NRXN1: variants seen among roughly 807,000 people sequenced by gnomAD.
NRXN1 encodes the protein neurexin 1.
NRXN1 carries 39 observed loss-of-function variants against 150.9 expected under a neutral mutation model. That is an observed-to-expected ratio of 0.26 (90% CI 0.20 to 0.34). The LOEUF (loss-of-function observed/expected upper bound fraction) is 0.34. Ranked by LOEUF, NRXN1 falls within the 10% of genes least tolerant of loss-of-function variation. NRXN1 has a pLI of 1.00. For synonymous variants in NRXN1, 924 were observed against 757.0 expected (o/e 1.22, Z -3.62); for missense variants, 1,815 against 1,949.9 (o/e 0.93, Z 1.30).
chr2:50,598,942 T>C (rs569987708), intron 8 of NRXN1, among the ~76,000 whole-genome samples: 1 of 151,684 alleles, frequency 6.6e-6, no homozygotes, highest in African/African-American at 2.4e-5. Flanking sequence ...TTGTTTTGTT[T>C]TGTACTTTTA....
intron 5 of NRXN1, among the ~76,000 whole-genome samples, chr2:50,639,469 T>C (rs62142329): frequency 0.28 from 42,763 of 151,650 alleles, 6,237 homozygotes; most frequent in Middle Eastern, 0.37. Context: ...GATCTGCCTG[T>C]CTCAGCCTCC....
rs556567448 is a variant in NRXN1 at position 50,276,432 on chromosome 2, G to A, written c.3365-39462C>T. On this transcript the variant is annotated intron_variant, in intron 17 of 22. Coordinates refer to ENST00000401669, the MANE Select transcript of NRXN1 (RefSeq NM_001330078.2). ...AATACCTCAAACAATTAAGTTTGTT[G>A]CTTTAAAGCAAGATTATAGTGTAGG... 1.6e-4 allele frequency among the ~76,000 whole-genome samples: 25 copies of A among 152,230 alleles called. No homozygotes were observed. In the South Asian group the frequency reaches 5.0e-3, roughly 30 times the overall value.
At chr2:50,421,777 C>A (rs138311888) in intron 17 of NRXN1, among the ~76,000 whole-genome samples, 11 of 152,200 alleles carry the variant, frequency 7.2e-5, no homozygotes, top group Non-Finnish European at 1.6e-4. Flanking sequence ...ACTAGTCATC[C>A]ATGCAAGATG....
At chr2:50,836,123 C>A (rs1240853859) in intron 5 of NRXN1, among the ~76,000 whole-genome samples, 1 of 152,032 alleles carries the variant, frequency 6.6e-6, no homozygotes, top group Non-Finnish European at 1.5e-5. Context: ...AAAAGAGGCA[C>A]GTTTCTGTCT....
chr2:50,564,971 G>A (rs1669634969), intron 8 of NRXN1, among the ~76,000 whole-genome samples: 1 of 152,110 alleles, frequency 6.6e-6, no homozygotes, highest in South Asian at 2.1e-4. Context: ...CATTTAAATT[G>A]GAGAACTGAG....
At chr2:50,924,946 C>T (rs1021545156) in intron 3 of NRXN1, among the ~76,000 whole-genome samples, 4 of 151,630 alleles carry the variant, frequency 2.6e-5, no homozygotes, top group Admixed American at 2.0e-4. Flanking sequence ...CTAAGAAATC[C>T]TTCATTCTAT....
intron 20 of NRXN1, 131 bp downstream of exon 20, chr2:50,054,824 C>A: frequency 1.7e-6 from 1 of 572,928 alleles, no homozygotes. Context: ...CTACATTTTA[C>A]TGTTTTAAAG....
At chr2:49,944,699 G>C (rs1428175668) in intron 21 of NRXN1, among the ~76,000 whole-genome samples, 4 of 152,172 alleles carry the variant, frequency 2.6e-5, no homozygotes, top group African/African-American at 4.8e-5. Flanking sequence ...GCTTCCATCA[G>C]AGTTGGCTCT....
At chr2:50,590,907 T>C (rs1327540514) in intron 8 of NRXN1, among the ~76,000 whole-genome samples, 1 of 152,172 alleles carries the variant, frequency 6.6e-6, no homozygotes, top group African/African-American at 2.4e-5. Context: ...CTAAATACTC[T>C]CAGCAATTGG....
chr2:50,942,178 A>C (rs936139607), intron 2 of NRXN1, among the ~76,000 whole-genome samples: 5 of 152,206 alleles, frequency 3.3e-5, no homozygotes, highest in African/African-American at 9.6e-5. Flanking sequence ...ATAGAAGACA[A>C]GAGTTGAGCT....
intron 18 of NRXN1, among the ~76,000 whole-genome samples, chr2:50,225,587 T>C (rs765075904): frequency 4.0e-5 from 6 of 151,876 alleles, no homozygotes; most frequent in Non-Finnish European, 5.9e-5. Context: ...ACATAAAATA[T>C]ATAATCCAGG....
intron 5 of NRXN1, among the ~76,000 whole-genome samples, chr2:50,720,196 C>CT (rs918606064): frequency 3.7e-4 from 54 of 147,236 alleles, no homozygotes; most frequent in East Asian, 1.2e-3. Flanking sequence ...TGTCTTTCAA[C>CT]TTTTTTTTTT....
intron 5 of NRXN1, among the ~76,000 whole-genome samples, chr2:50,909,117 CAG>C (rs1313992988): frequency 2.6e-5 from 4 of 152,008 alleles, no homozygotes; most frequent in East Asian, 1.9e-4. Flanking sequence ...AAATTGAAAA[CAG>C]AGCACAGCAC....
At position 50,315,929 on chromosome 2, in the gene NRXN1, G is replaced by A. The variant is rs561424336; in HGVS notation, c.3365-78959C>T. Among the ~76,000 whole-genome samples, 50 of 152,084 alleles carry A rather than the reference G, an allele frequency of 3.3e-4. 1 individual carries two copies. Among genetic ancestry groups the A allele is most frequent in the African/African-American group, 9.2e-4 (38 of 41,486 alleles). On this transcript the variant is annotated intron_variant, in intron 17 of 22. Coordinates refer to ENST00000401669, the MANE Select transcript of NRXN1 (RefSeq NM_001330078.2). ...AGAAGAATAAAGTTTAAAGAATTTC[G>A]GGAATTCAATCAGGAGGATTCAGGG...
At chr2:50,611,568 G>GT (rs1202736303) in intron 8 of NRXN1, among the ~76,000 whole-genome samples, 1 of 152,118 alleles carries the variant, frequency 6.6e-6, no homozygotes, top group Non-Finnish European at 1.5e-5. Flanking sequence ...TGCCCCAATT[G>GT]TTTATTTCCC....
intron 17 of NRXN1, among the ~76,000 whole-genome samples, chr2:50,418,004 C>T (rs958025027): frequency 2.0e-5 from 3 of 151,884 alleles, no homozygotes; most frequent in African/African-American, 7.2e-5. Context: ...AATAAAATGA[C>T]CAAATGTGCA....
chr2:50,919,776 A>G (rs58905388), intron 5 of NRXN1: 13,710 of 156,318 alleles, frequency 0.088, 672 homozygotes, highest in South Asian at 0.12. Context: ...AATTCCTCCA[A>G]CAGATGGCAC....
chr2:50,394,255 C>T (rs1006100491), intron 17 of NRXN1, among the ~76,000 whole-genome samples: 3 of 151,960 alleles, frequency 2.0e-5, no homozygotes, highest in African/African-American at 4.8e-5. Flanking sequence ...CACAACTCTC[C>T]CTGAAAATTC....
Position 50,053,316 on chromosome 2 carries a change from G to A in NRXN1, c.4083C>T (p.Ser1361=), listed in dbSNP as rs1693034681. Residue 1361 remains serine, a synonymous_variant, in exon 21 of 23, where the codon AGC becomes AGT. Coordinates refer to ENST00000401669, the MANE Select transcript of NRXN1 (RefSeq NM_001330078.2). ...IMETTTTLAT[S]TARRGKPPTK... The stretch of plus-strand genomic sequence containing the variant: ...TCGGGGGCTTTCCTCTTCTGGCTGT[G>A]CTAGTAGCCAGGGTCGTGGTAGTCT... 2 of 1,614,018 alleles carry A rather than the reference G, an allele frequency of 1.2e-6. No individual in the cohort carries two copies. The highest frequency in any genetic ancestry group is 1.7e-6 in the Non-Finnish European group (2 of 1,179,910).
Sources: allele counts gnomAD v4.1 joint callset (sites outside exome capture counted in the v4.1 genomes callset), GRCh38; gene constraint gnomAD v4.1.1; transcripts MANE v1.5; gene names NCBI Gene and HGNC (gene_info 2026-07-23, HGNC 2026-07-21).